Variants in NFIA observed in about 807,000 individuals in gnomAD.
The protein encoded by NFIA is nuclear factor I A.
In NFIA, 8 loss-of-function variants were observed where a neutral mutation model predicts 62.8. That is an observed-to-expected ratio of 0.13 (90% confidence interval 0.07 to 0.23). The LOEUF (loss-of-function observed/expected upper bound fraction) is 0.23, where lower values mean the gene tolerates loss of function less well. Among genes scored for constraint, NFIA ranks in the 10% least tolerant of loss-of-function variants. NFIA has a pLI of 1.00. For synonymous variants in NFIA, 235 were observed against 238.1 expected, an observed-to-expected ratio of 0.99 and a Z score of 0.12; for missense variants, 410 against 642.1, an observed-to-expected ratio of 0.64 and a Z score of 3.91.
intron 3 of NFIA, among the ~76,000 whole-genome samples, chr1:61,319,454 C>T (rs1355294273): frequency 6.6e-6 from 1 of 152,022 alleles, no homozygotes; most frequent in Non-Finnish European, 1.5e-5. Context: ...ATACATTGTA[C>T]AAATGGTAGA....
chr1:61,344,760 A>G (rs929722020), intron 4 of NFIA, among the ~76,000 whole-genome samples: 1 of 152,212 alleles, frequency 6.6e-6, no homozygotes, highest in Non-Finnish European at 1.5e-5. Flanking sequence ...CATTTCGTTA[A>G]TGCTCCCTGC....
At chr1:61,401,193 G>A (rs17122149) in intron 7 of NFIA, among the ~76,000 whole-genome samples, 1,991 of 152,238 alleles carry the variant, frequency 0.013, 41 homozygotes, top group African/African-American at 0.046. Context: ...CCTTTAAAAT[G>A]CAGACTCAGC....
At chr1:61,409,895 G>C (rs751998286) in intron 9 of NFIA, among the ~76,000 whole-genome samples, 2 of 152,200 alleles carry the variant, frequency 1.3e-5, no homozygotes, top group African/African-American at 2.4e-5. Flanking sequence ...CAGGTGAGAG[G>C]GTGGAGAGAA....
rs1660819339 is a variant in NFIA at position 61,324,255 on chromosome 1, T to C, written c.626-8257T>C. ...CCTGCACAGCACAGGCAGTCCAAAA[T>C]CCTTCTGGAATATAAACAGCGTGAG... On this transcript the variant is annotated intron_variant, in intron 3 of 10. Coordinates refer to ENST00000403491, the MANE Select transcript of NFIA (RefSeq NM_001134673.4). Among the ~76,000 whole-genome samples, 3 of 152,124 alleles carry C rather than the reference T, an allele frequency of 2.0e-5. No homozygotes were observed. The South Asian group carries it at 6.2e-4, about 32-fold the overall frequency.
chr1:61,143,846 G>T (rs1376290485), intron 2 of NFIA, among the ~76,000 whole-genome samples: 1 of 152,146 alleles, frequency 6.6e-6, no homozygotes, highest in Non-Finnish European at 1.5e-5. Context: ...GAGAAAGGTG[G>T]TGTTAACAGT....
intron 2 of NFIA, among the ~76,000 whole-genome samples, chr1:61,218,067 A>T (rs538425756): frequency 6.6e-6 from 1 of 152,356 alleles, no homozygotes; most frequent in South Asian, 2.1e-4. Flanking sequence ...GCATGATTAT[A>T]TATTTCATTC....
chr1:61,447,207 C>G (rs1451167633), intron 10 of NFIA, among the ~76,000 whole-genome samples: 1 of 152,168 alleles, frequency 6.6e-6, no homozygotes, highest in Non-Finnish European at 1.5e-5. Flanking sequence ...TAGGCTGCTT[C>G]TTCATTTTTT....
chr1:61,267,201 T>A (rs1388251416), intron 2 of NFIA, among the ~76,000 whole-genome samples: 2 of 151,754 alleles, frequency 1.3e-5, no homozygotes, highest in Non-Finnish European at 2.9e-5. Flanking sequence ...AAGTCTGATT[T>A]AAAAAAAAAT....
At chr1:61,370,865 G>C (rs1253196360) in intron 6 of NFIA, among the ~76,000 whole-genome samples, 1 of 152,132 alleles carries the variant, frequency 6.6e-6, no homozygotes, top group Non-Finnish European at 1.5e-5. Flanking sequence ...TGTAATGAGA[G>C]GTAGTTTAAA....
At chr1:61,160,737 T>C (rs1214203168) in intron 2 of NFIA, among the ~76,000 whole-genome samples, 1 of 152,222 alleles carries the variant, frequency 6.6e-6, no homozygotes, top group Non-Finnish European at 1.5e-5. Context: ...CTGTACACAC[T>C]GAGAAAGTTC....
rs1646133708 is a variant in NFIA, at chr1:61,082,702, C to T, written c.-90C>T. 6.5e-7 allele frequency: 1 copy of T among 1,546,046 alleles called. No homozygotes were observed. The highest frequency in any genetic ancestry group is 1.4e-5 in the African/African-American group (1 of 72,568). On this transcript the variant is annotated 5_prime_UTR_variant, in exon 1 of 11. Transcript: ENST00000403491. ...TCTCTCTCTCTCTCTCTCTCTTCCT[C>T]TCTCCCTCTTTCTCCTCTCTCACCC...
chr1:61,451,832 G>A (rs571872768), intron 10 of NFIA, among the ~76,000 whole-genome samples: 15 of 152,306 alleles, frequency 9.8e-5, no homozygotes, highest in Admixed American at 9.8e-4. Context: ...GGTAGATTAA[G>A]GGGCTATAAA....
At chr1:61,328,766 A>G (rs1339231125) in intron 3 of NFIA, among the ~76,000 whole-genome samples, 1 of 127,218 alleles carries the variant, frequency 7.9e-6, no homozygotes, top group Non-Finnish European at 1.6e-5. Context: ...TCTGTCACCC[A>G]GGCTGGAGTG....
At chr1:61,437,520 T>A (rs1233806237) in intron 10 of NFIA, among the ~76,000 whole-genome samples, 1 of 152,168 alleles carries the variant, frequency 6.6e-6, no homozygotes, top group Non-Finnish European at 1.5e-5. Flanking sequence ...CAGAATTTAT[T>A]GAGCACCTAC....
At position 61,457,168 on chromosome 1, in the gene NFIA, G is replaced by A. The variant is rs939758942; in HGVS notation, c.*1848G>A. On this transcript the variant is annotated 3_prime_UTR_variant, in exon 11 of 11. Transcript: ENST00000403491. The surrounding 1 kb of genome is among the most constrained non-coding windows in gnomAD (Gnocchi z 4.2). Reference sequence around the variant, plus strand: ...ATCAAGTAACTGAAATTCTTGGGAAGACACTTTGCTCCTCATCTTTCTCCC... The same window carrying A: ...ATCAAGTAACTGAAATTCTTGGGAAAACACTTTGCTCCTCATCTTTCTCCC... The A allele has an allele frequency of 3.9e-5, 6 of 152,168 alleles. No homozygotes were observed. The highest frequency in any genetic ancestry group is 1.4e-4 in the African/African-American group (6 of 41,422). 9.4% of individuals were successfully genotyped at this position (152,168 alleles called of 1,614,324 possible).
At chr1:61,234,494 A>G (rs891527381) in intron 2 of NFIA, among the ~76,000 whole-genome samples, 3 of 151,622 alleles carry the variant, frequency 2.0e-5, no homozygotes, top group African/African-American at 7.3e-5. Flanking sequence ...CCGATTGCCA[A>G]CTCTTCTGTG....
At chr1:61,452,017 T>C (rs953268154) in intron 10 of NFIA, among the ~76,000 whole-genome samples, 5 of 152,222 alleles carry the variant, frequency 3.3e-5, no homozygotes, top group Non-Finnish European at 7.3e-5. Context: ...ATATGCAGAA[T>C]CATTCTTCAA....
intron 2 of NFIA, among the ~76,000 whole-genome samples, chr1:61,271,927 CTT>C (rs774793988): frequency 1.3e-5 from 2 of 152,158 alleles, no homozygotes; most frequent in Non-Finnish European, 2.9e-5. Flanking sequence ...CTTAAGAAAA[CTT>C]TTATGGTATG....
chr1:61,401,803 A>G (rs914703964), intron 7 of NFIA, among the ~76,000 whole-genome samples: 2 of 152,164 alleles, frequency 1.3e-5, no homozygotes, highest in Non-Finnish European at 2.9e-5. Context: ...ACTAGTGACT[A>G]TTCCATCAGA....
Sources: gnomAD v4.1 joint callset for allele counts (sites outside exome capture counted in the v4.1 genomes callset) on GRCh38, gnomAD v4.1.1 for gene constraint, Gnocchi (gnomAD v3.1) non-coding constraint, MANE v1.5 for transcripts, NCBI Gene and HGNC (gene_info 2026-07-23, HGNC 2026-07-21) for gene names.